GCNT2: variants seen among roughly 807,000 people sequenced by gnomAD.
GCNT2 encodes N-acetyllactosaminide beta-1,6-N-acetylglucosaminyl-transferase.
GCNT2 carries 34 observed loss-of-function variants against 34.2 expected under a neutral mutation model. The ratio of observed to expected loss-of-function variants is 1.00; its 90% CI spans 0.76 to 1.32. The LOEUF (loss-of-function observed/expected upper bound fraction) is 1.32. Among genes scored for constraint, GCNT2 ranks in the 40% most tolerant of loss-of-function variants. The pLI is 0.00. For synonymous variants in GCNT2, 212 were observed against 188.0 expected, an observed-to-expected ratio of 1.13 and a Z score of -1.04; for missense variants, 584 against 489.4, an observed-to-expected ratio of 1.19 and a Z score of -1.82.
chr6:10,562,050 G>A (rs1233588392), intron 3 of GCNT2, among the ~76,000 whole-genome samples: 1 of 152,156 alleles, frequency 6.6e-6, no homozygotes, highest in African/African-American at 2.4e-5. Context: ...AGCACCAGAA[G>A]TTACCGGGTC....
intron 3 of GCNT2, among the ~76,000 whole-genome samples, chr6:10,590,943 T>A (rs575026210): frequency 2.6e-5 from 4 of 152,234 alleles, no homozygotes; most frequent in African/African-American, 9.6e-5. Flanking sequence ...TAACTCTTCA[T>A]CCTTTATGTC....
At chr6:10,557,402 A>G in intron 3 of GCNT2, 1 of 1,289,710 alleles carries the variant, frequency 7.8e-7, no homozygotes, top group South Asian at 1.2e-5. Flanking sequence ...GGGCTTTAGA[A>G]TAACCAGCCA....
chr6:10,545,547 C>T (rs913012833), intron 3 of GCNT2, among the ~76,000 whole-genome samples: 3 of 152,156 alleles, frequency 2.0e-5, no homozygotes, highest in African/African-American at 4.8e-5. Context: ...AGGAATAAAG[C>T]GAACTTCAAA....
At chr6:10,576,626 T>C (rs1366490564) in intron 3 of GCNT2, among the ~76,000 whole-genome samples, 2 of 151,870 alleles carry the variant, frequency 1.3e-5, no homozygotes, top group Non-Finnish European at 2.9e-5. Context: ...GAGGAATGGG[T>C]TGGGGAGTTC....
At chr6:10,573,503 G>C (rs918480360) in intron 3 of GCNT2, among the ~76,000 whole-genome samples, 1 of 152,170 alleles carries the variant, frequency 6.6e-6, no homozygotes, top group African/African-American at 2.4e-5. Context: ...GGTGGGGGCA[G>C]GTAGTGTCAC....
At chr6:10,540,421 G>A (rs1483506777) in intron 3 of GCNT2, among the ~76,000 whole-genome samples, 1 of 152,182 alleles carries the variant, frequency 6.6e-6, no homozygotes, top group African/African-American at 2.4e-5. Flanking sequence ...CACGGCCTCA[G>A]CTGCTTTACA....
At chr6:10,562,802 G>A (rs1257296211) in intron 3 of GCNT2, among the ~76,000 whole-genome samples, 1 of 152,110 alleles carries the variant, frequency 6.6e-6, no homozygotes, top group Non-Finnish European at 1.5e-5. Flanking sequence ...GGCTTTGGTG[G>A]AGGAGGCTGC....
intron 3 of GCNT2, among the ~76,000 whole-genome samples, chr6:10,558,920 T>C (rs1054406776): frequency 6.6e-6 from 1 of 152,264 alleles, no homozygotes; most frequent in African/African-American, 2.4e-5. Flanking sequence ...CATTAGGTAC[T>C]TAGGAGCTGA....
chr6:10,537,426 TG>T (rs55700982), intron 3 of GCNT2, among the ~76,000 whole-genome samples: 1,550 of 151,924 alleles, frequency 0.01, 34 homozygotes, highest in African/African-American at 0.035. Flanking sequence ...AATGGCCACG[TG>T]GGGTGGCTAA....
intron 3 of GCNT2, among the ~76,000 whole-genome samples, chr6:10,562,990 C>T (rs1002016454): frequency 6.6e-6 from 1 of 152,126 alleles, no homozygotes; most frequent in African/African-American, 2.4e-5. Context: ...GAAACCCTAC[C>T]TCTACTAAAT....
At chr6:10,568,816 T>C (rs1334407735) in intron 3 of GCNT2, among the ~76,000 whole-genome samples, 1 of 152,194 alleles carries the variant, frequency 6.6e-6, no homozygotes. Flanking sequence ...TCACCCTCTC[T>C]GTTTGTGCCA....
chr6:10,531,032 C>G (rs1761461659), intron 3 of GCNT2, among the ~76,000 whole-genome samples: 1 of 144,042 alleles, frequency 6.9e-6, no homozygotes, highest in Non-Finnish European at 1.5e-5. Context: ...CCAGCGGAGA[C>G]TCTGTCTCAA....
chr6:10,585,575 AT>A (rs1473152602), intron 3 of GCNT2, among the ~76,000 whole-genome samples: 1 of 152,164 alleles, frequency 6.6e-6, no homozygotes, highest in Non-Finnish European at 1.5e-5. Flanking sequence ...ATCAGAATAG[AT>A]TGATGGAAGG....
At chr6:10,617,777 CAG>C in intron 3 of GCNT2, among the ~76,000 whole-genome samples, 4 of 84,480 alleles carry the variant, frequency 4.7e-5, no homozygotes, top group African/African-American at 3.3e-4. Context: ...TTTTTTGACA[CAG>C]GGTCTCACTC....
chr6:10,621,458 C>T lies in GCNT2; in HGVS notation c.1018+15C>T, dbSNP rs78667015. 1.9e-6 allele frequency: 3 copies of T among 1,541,272 alleles called. No homozygotes were observed. The highest frequency in any genetic ancestry group is 4.5e-5 in the East Asian group (2 of 44,486). Reference sequence around the variant, plus strand: ...AGGCTGCCACGGTGAGGCTCTCGTTCCATGCTTCTAGGCCACTGCCTGTTG... The same window carrying T: ...AGGCTGCCACGGTGAGGCTCTCGTTTCATGCTTCTAGGCCACTGCCTGTTG... On this transcript the variant is annotated intron_variant, in intron 4 of 4. Transcript: ENST00000495262.
At chr6:10,551,879 T>C (rs1353000742) in intron 3 of GCNT2, among the ~76,000 whole-genome samples, 1 of 152,034 alleles carries the variant, frequency 6.6e-6, no homozygotes, top group African/African-American at 2.4e-5. Context: ...TGCCTCAGCC[T>C]CCCAAGTAGC....
At chr6:10,537,717 A>C (rs1156739508) in intron 3 of GCNT2, among the ~76,000 whole-genome samples, 4 of 146,614 alleles carry the variant, frequency 2.7e-5, no homozygotes, top group African/African-American at 5.2e-5. Flanking sequence ...AAAAAAAAAA[A>C]AAAAAAAAAC....
chr6:10,618,278 C>T (rs1274494748), intron 3 of GCNT2, among the ~76,000 whole-genome samples: 1 of 152,142 alleles, frequency 6.6e-6, no homozygotes, highest in Non-Finnish European at 1.5e-5. Flanking sequence ...TAAGCACATA[C>T]GTGTTTGACA....
At chr6:10,600,413 T>C (rs1252404215) in intron 3 of GCNT2, among the ~76,000 whole-genome samples, 1 of 152,236 alleles carries the variant, frequency 6.6e-6, no homozygotes, top group African/African-American at 2.4e-5. Flanking sequence ...CTTTAATTTA[T>C]ATACATACAG....
Sources: gnomAD v4.1 joint callset for allele counts (sites outside exome capture counted in the v4.1 genomes callset) on GRCh38, gnomAD v4.1.1 for gene constraint, MANE v1.5 for transcripts, NCBI Gene and HGNC (gene_info 2026-07-23, HGNC 2026-07-21) for gene names.